The following ACACA variants were observed in gnomAD, a reference collection of about 807,000 sequenced individuals.
ACACA encodes acetyl-CoA carboxylase 1.
ACACA carries 103 observed loss-of-function variants against 296.1 expected under a neutral mutation model. That is an observed-to-expected ratio of 0.35 (90% CI 0.30 to 0.41). The LOEUF (loss-of-function observed/expected upper bound fraction) is 0.41, where lower values mean the gene tolerates loss of function less well. ACACA is among the 10% of genes least tolerant of loss of function. The pLI is 1.00. For missense variants in ACACA, 1,554 were observed against 2,989.7 expected (o/e 0.52, Z 11.20); for synonymous variants, 953 against 1,038.6 (o/e 0.92, Z 1.58).
intron 25 of ACACA, among the ~76,000 whole-genome samples, chr17:37,234,620 C>CA (rs1168840114): frequency 6.6e-6 from 1 of 151,678 alleles, no homozygotes; most frequent in Non-Finnish European, 1.5e-5. Context: ...ATCTATGGAA[C>CA]AAGAGTTAAA....
intron 1 of ACACA, among the ~76,000 whole-genome samples, chr17:37,367,986 G>T (rs2049666663): frequency 6.6e-6 from 1 of 152,208 alleles, no homozygotes; most frequent in Non-Finnish European, 1.5e-5. Flanking sequence ...AGAATTGCTT[G>T]AACCCGGGAG....
intron 47 of ACACA, among the ~76,000 whole-genome samples, chr17:37,126,073 T>C (rs897776454): frequency 6.6e-6 from 1 of 152,224 alleles, no homozygotes; most frequent in Non-Finnish European, 1.5e-5. Context: ...AGAGTTTGCA[T>C]GCTTTTAAAT....
intron 39 of ACACA, 23 bp from the exon 40 acceptor site, chr17:37,181,379 G>A: frequency 1.9e-6 from 3 of 1,613,772 alleles, no homozygotes; most frequent in South Asian, 2.2e-5. Context: ...AAAATGGCAT[G>A]GGGAGTTAAG....
chr17:37,304,565 C>T (rs968900081), intron 3 of ACACA, among the ~76,000 whole-genome samples: 2 of 152,020 alleles, frequency 1.3e-5, no homozygotes, highest in Non-Finnish European at 2.9e-5. Flanking sequence ...AAGGTAGAGG[C>T]GGGCAATAAC....
At chr17:37,168,546 A>T (rs1409050504) in intron 41 of ACACA, among the ~76,000 whole-genome samples, 2 of 147,768 alleles carry the variant, frequency 1.4e-5, no homozygotes, top group African/African-American at 5.3e-5. Flanking sequence ...TTAAGGGGGG[A>T]AAAAAATCTC....
chr17:37,315,812 T>C (rs1298699051), intron 3 of ACACA, among the ~76,000 whole-genome samples: 7 of 152,130 alleles, frequency 4.6e-5, no homozygotes, highest in Non-Finnish European at 1.0e-4. Flanking sequence ...ATGAACTCTG[T>C]TGTTTACAAG....
intron 3 of ACACA, among the ~76,000 whole-genome samples, chr17:37,300,932 C>A (rs2083588230): frequency 2.0e-5 from 3 of 152,148 alleles, no homozygotes; most frequent in African/African-American, 7.2e-5. Flanking sequence ...TAACCTGTCT[C>A]AAAAATAGAG....
chr17:37,155,220 C>G (rs2076191806), intron 43 of ACACA, among the ~76,000 whole-genome samples: 6 of 152,024 alleles, frequency 3.9e-5, no homozygotes, highest in Admixed American at 2.6e-4. Context: ...TAATAAAATA[C>G]TATGTAGACA....
At chr17:37,289,413 CA>C in intron 3 of ACACA, 1 of 1,339,202 alleles carries the variant, frequency 7.5e-7, no homozygotes, top group Non-Finnish European at 9.9e-7. Context: ...AGGAAGTACC[CA>C]CACCTTGAAA....
chr17:37,341,689 CAAAA>C (rs11433722), intron 1 of ACACA, among the ~76,000 whole-genome samples: 2 of 85,744 alleles, frequency 2.3e-5, no homozygotes, highest in Non-Finnish European at 2.4e-5. Flanking sequence ...GACTCTGTCT[CAAAA>C]AAAAAAAAAA....
At chr17:37,265,967 G>T (rs1358116110) in intron 10 of ACACA, among the ~76,000 whole-genome samples, 1 of 152,138 alleles carries the variant, frequency 6.6e-6, no homozygotes. Context: ...GTCCCTTGGT[G>T]CATTCATCAA....
At chr17:37,344,107 G>C (rs1000957347) in intron 1 of ACACA, among the ~76,000 whole-genome samples, 1 of 151,290 alleles carries the variant, frequency 6.6e-6, no homozygotes, top group Non-Finnish European at 1.5e-5. Flanking sequence ...AAATAAAAAA[G>C]AAATTTAAAA....
chr17:37,229,843 G>T (rs867980708), intron 25 of ACACA, among the ~76,000 whole-genome samples: 2 of 151,862 alleles, frequency 1.3e-5, no homozygotes, highest in Middle Eastern at 3.4e-3. Context: ...GCCGAGGTGG[G>T]CGGATTACCT....
chr17:37,342,437 ATATATAT>A (rs1356296921), intron 1 of ACACA, among the ~76,000 whole-genome samples: 2 of 59,676 alleles, frequency 3.4e-5, no homozygotes, highest in Non-Finnish European at 6.2e-5. Context: ...AAAAAAAAAA[ATATATAT>A]ATATATATAT....
At chr17:37,354,494 C>A (rs1443685930) in intron 1 of ACACA, among the ~76,000 whole-genome samples, 2 of 152,162 alleles carry the variant, frequency 1.3e-5, no homozygotes, top group African/African-American at 4.8e-5. Flanking sequence ...AGAATTAATG[C>A]CATATCAATC....
intron 43 of ACACA, among the ~76,000 whole-genome samples, chr17:37,152,253 C>A (rs892171820): frequency 6.6e-6 from 1 of 152,096 alleles, no homozygotes; most frequent in Non-Finnish European, 1.5e-5. Flanking sequence ...TTATAGATGG[C>A]CCTCGGATTT....
intron 3 of ACACA, among the ~76,000 whole-genome samples, chr17:37,327,233 T>C (rs544330534): frequency 6.6e-6 from 1 of 152,296 alleles, no homozygotes; most frequent in African/African-American, 2.4e-5. Context: ...GGAGATAATA[T>C]GTACTGTCCA....
chr17:37,293,854 C>T (rs1280742064), intron 3 of ACACA, among the ~76,000 whole-genome samples: 2 of 152,096 alleles, frequency 1.3e-5, no homozygotes, highest in Admixed American at 6.6e-5. Flanking sequence ...TTTTAATTTA[C>T]ACAAAAAGAT....
chr17:37,199,406 G>A (rs1428364278), intron 35 of ACACA, among the ~76,000 whole-genome samples: 2 of 152,072 alleles, frequency 1.3e-5, no homozygotes, highest in Non-Finnish European at 2.9e-5. Context: ...TGTTGTCACT[G>A]TACTGGGTAT....
Sources: gnomAD v4.1 joint callset for allele counts (sites outside exome capture counted in the v4.1 genomes callset) on GRCh38, gnomAD v4.1.1 for gene constraint, MANE v1.5 for transcripts, NCBI Gene and HGNC (gene_info 2026-07-23, HGNC 2026-07-21) for gene names.